Variants in FYB2 observed in about 807,000 individuals in gnomAD.
The protein encoded by FYB2 is FYN binding protein 2.
A neutral mutation model predicts 94.1 loss-of-function variants in FYB2; 103 were observed. That is an observed-to-expected ratio of 1.09 (90% CI 0.93 to 1.29). The LOEUF (loss-of-function observed/expected upper bound fraction) is 1.29, where lower values mean the gene tolerates loss of function less well. FYB2 is among the 50% of genes most tolerant of loss of function. The pLI is 0.00. For missense variants in FYB2, 896 were observed against 841.5 expected (o/e 1.06, Z -0.80); for synonymous variants, 293 against 287.9 (o/e 1.02, Z -0.18).
intron 15 of FYB2, among the ~76,000 whole-genome samples, chr1:56,735,759 C>T (rs1644817140): frequency 6.6e-6 from 1 of 152,064 alleles, no homozygotes; most frequent in Non-Finnish European, 1.5e-5. Context: ...GCCTCTTCCC[C>T]TTCTGCCATG....
chr1:56,822,645 C>T (rs1342390606), upstream of FYB2, among the ~76,000 whole-genome samples: 2 of 151,850 alleles, frequency 1.3e-5, no homozygotes, highest in Non-Finnish European at 2.9e-5. Context: ...CTGCTTGGAG[C>T]TCTGCAGTGT....
chr1:56,743,509 A>C (rs1041542612), intron 11 of FYB2, among the ~76,000 whole-genome samples: 1 of 152,046 alleles, frequency 6.6e-6, no homozygotes, highest in African/African-American at 2.4e-5. Flanking sequence ...GGGAGGAAAG[A>C]GCATTCCGGA....
chr1:56,813,293 A>ATTAAGCTGGGAATTAAGCCATTAAGTC (rs1174701028), intron 1 of FYB2, among the ~76,000 whole-genome samples: 159 of 151,768 alleles, frequency 1.0e-3, no homozygotes, highest in African/African-American at 3.8e-3. Flanking sequence ...TCCCAGTTCC[A>ATTAAGCTGGGAATTAAGCCATTAAGTC]CATGGCTGGG....
chr1:56,729,368 A>G (rs538695025), intron 15 of FYB2, among the ~76,000 whole-genome samples: 173 of 152,180 alleles, frequency 1.1e-3, no homozygotes, highest in South Asian at 2.5e-3. Context: ...ATGGGAAGGG[A>G]AAGGCACAAG....
At chr1:56,791,318 C>T (rs974874828) in intron 2 of FYB2, among the ~76,000 whole-genome samples, 16 of 149,344 alleles carry the variant, frequency 1.1e-4, no homozygotes, top group Middle Eastern at 3.4e-3. Context: ...TGAAGTGGTA[C>T]AATTTTGGCT....
rs533323940 is a variant in FYB2, at chr1:56,814,122, G to A, written c.9+5160C>T. On this transcript the variant is annotated intron_variant, in intron 1 of 19. Coordinates refer to ENST00000343433, the MANE Select transcript of FYB2 (RefSeq NM_001004303.5). ...GTGTTGTCTGAGCTGAGTCATAAAT[G>A]AAGTGATGTTCAGCACTCTGAAGAA... 2.6e-5 allele frequency among the ~76,000 whole-genome samples: 4 copies of A among 152,330 alleles called. No individual in the cohort carries two copies. The East Asian group carries it at 5.8e-4, about 22-fold the overall frequency.
chr1:56,825,529 G>A, the FYB2 span, among the ~76,000 whole-genome samples: 1 of 152,060 alleles, frequency 6.6e-6, no homozygotes, highest in African/African-American at 2.4e-5. Context: ...ACACAGCGGG[G>A]AACAAAATTC....
chr1:56,767,970 AT>A lies in FYB2; in HGVS notation c.954-33del, dbSNP rs745955299. Reference sequence around the variant, plus strand: ...AAAAAAGGGTTACTTAAAATGTAACATTTTTAAAAACATATTTTGAAAGCTT... The same window carrying A: ...AAAAAAGGGTTACTTAAAATGTAACATTTTAAAAACATATTTTGAAAGCTT... On this transcript the variant is annotated intron_variant, in intron 4 of 19. Coordinates refer to ENST00000343433, the MANE Select transcript of FYB2 (RefSeq NM_001004303.5). 133 of 1,453,910 alleles carry A rather than the reference AT, an allele frequency of 9.1e-5. 5 individuals carry two copies. In the South Asian group the frequency reaches 1.3e-3, roughly 14 times the overall value. 90.1% of individuals were successfully genotyped at this position (1,453,910 alleles called of 1,614,324 possible).
chr1:56,823,618 G>A (rs1283699482), upstream of FYB2: 1 of 152,174 alleles, frequency 6.6e-6, no homozygotes, highest in East Asian at 1.9e-4. Context: ...TAATAAGTGT[G>A]TAATAATATA....
At chr1:56,817,958 A>G (rs1646920839) in intron 1 of FYB2, among the ~76,000 whole-genome samples, 9 of 152,224 alleles carry the variant, frequency 5.9e-5, no homozygotes, top group Admixed American at 5.2e-4. Flanking sequence ...AAGTGATAAC[A>G]TTGTCAGTTA....
chr1:56,818,109 C>G (rs1222737956), intron 1 of FYB2, among the ~76,000 whole-genome samples: 1 of 152,116 alleles, frequency 6.6e-6, no homozygotes, highest in South Asian at 2.1e-4. Flanking sequence ...TACAAGCACG[C>G]TAAATCTATT....
At chr1:56,767,790 C>T in intron 5 of FYB2, 39 bp downstream of exon 5, 1 of 1,428,364 alleles carries the variant, frequency 7.0e-7, no homozygotes, top group Non-Finnish European at 9.7e-7. Flanking sequence ...ATTTTCATTC[C>T]ACACAGGGTT....
At position 56,787,165 on chromosome 1, in the gene FYB2, A is replaced by T; in HGVS notation, c.953+10T>A. 1 of 1,613,926 alleles carries T rather than the reference A, an allele frequency of 6.2e-7. No individual in the cohort carries two copies. Among genetic ancestry groups the T allele is most frequent in the African/African-American group, 1.3e-5 (1 of 75,040 alleles). ...CTACGTTCCTACACAACTAAGGAGC[A>T]TGTACTTACCTCTCTGGAGACAGGG... is the stretch of plus-strand genomic sequence containing the variant. On this transcript the variant is annotated intron_variant, in intron 4 of 19. Coordinates refer to ENST00000343433, the MANE Select transcript of FYB2 (RefSeq NM_001004303.5).
intron 15 of FYB2, among the ~76,000 whole-genome samples, chr1:56,734,064 C>T (rs1461285838): frequency 6.6e-6 from 1 of 152,054 alleles, no homozygotes; most frequent in African/African-American, 2.4e-5. Flanking sequence ...CTTTGTAGGT[C>T]CCTAAGGACT....
intron 4 of FYB2, among the ~76,000 whole-genome samples, chr1:56,773,262 C>T (rs1008433198): frequency 3.3e-5 from 5 of 152,136 alleles, no homozygotes; most frequent in African/African-American, 4.8e-5. Context: ...GAAAGGTCCC[C>T]GCAGAATCCC....
intron 1 of FYB2, among the ~76,000 whole-genome samples, chr1:56,814,274 C>T (rs920250004): frequency 6.6e-6 from 1 of 152,148 alleles, no homozygotes; most frequent in Non-Finnish European, 1.5e-5. Flanking sequence ...ATCCAGGCCA[C>T]AGAGCTTGGG....
In FYB2 at chr1:56,750,972, T is replaced by A. The variant is rs576147268; in HGVS notation, c.1387+72A>T. ...TTCAATAAATATTGGTAAAATAAAT[T>A]AAAATTTTGGCCATGCTCAGCTATA... On this transcript the variant is annotated intron_variant, in intron 9 of 19. Coordinates refer to ENST00000343433, the MANE Select transcript of FYB2 (RefSeq NM_001004303.5). 6 of 1,502,536 alleles carry A rather than the reference T, an allele frequency of 4.0e-6. No individual in the cohort carries two copies. The African/African-American group carries it at 5.6e-5, about 14-fold the overall frequency. 93.1% of individuals were successfully genotyped at this position (1,502,536 alleles called of 1,614,324 possible). A position where few individuals can be genotyped will look rare whatever the true frequency, so the allele number is the denominator to read the frequency against.
intron 2 of FYB2, among the ~76,000 whole-genome samples, chr1:56,791,041 G>A (rs6695994): frequency 1 from 152,172 of 152,198 alleles, 76,073 homozygotes; most frequent in Non-Finnish European, 1. Context: ...CAGACACAAA[G>A]CAGGGACCAG....
intron 1 of FYB2, among the ~76,000 whole-genome samples, chr1:56,802,761 G>A (rs1401566987): frequency 6.6e-6 from 1 of 151,704 alleles, no homozygotes; most frequent in African/African-American, 2.4e-5. Context: ...GGAACCCTTC[G>A]GTGGATTTCA....
Sources: allele counts gnomAD v4.1 joint callset (sites outside exome capture counted in the v4.1 genomes callset), GRCh38; gene constraint gnomAD v4.1.1; transcripts MANE v1.5; gene names NCBI Gene and HGNC (gene_info 2026-07-23, HGNC 2026-07-21).